Variants in LRRC28 observed in about 807,000 individuals in gnomAD.
LRRC28 encodes the protein leucine rich repeat containing 28, also known as leucine-rich repeat-containing protein 28.
A neutral mutation model predicts 45.7 loss-of-function variants in LRRC28; 39 were observed. The ratio of observed to expected loss-of-function variants is 0.85; its 90% CI spans 0.66 to 1.12. The LOEUF is 1.12. Among genes scored for constraint, LRRC28 ranks in the 50% most tolerant of loss-of-function variants. The pLI, the probability that LRRC28 is intolerant of heterozygous loss-of-function variation, is 0.00. For missense variants in LRRC28, 435 were observed against 438.5 expected (o/e 0.99, Z 0.07); for synonymous variants, 206 against 178.8 (o/e 1.15, Z -1.22).
intron 5 of LRRC28, among the ~76,000 whole-genome samples, chr15:99,322,984 G>A (rs983250359): frequency 6.6e-6 from 1 of 152,152 alleles, no homozygotes; most frequent in African/African-American, 2.4e-5. Context: ...TGGTATTTCT[G>A]TATTTAATTT....
intron 5 of LRRC28, among the ~76,000 whole-genome samples, chr15:99,304,099 T>C (rs557244330): frequency 4.3e-4 from 66 of 152,368 alleles, no homozygotes; most frequent in African/African-American, 1.6e-3. Context: ...TCATCTGATT[T>C]AGTAAATAAA....
chr15:99,358,497 ATAGT>A (rs79933898), intron 7 of LRRC28, among the ~76,000 whole-genome samples: 22,827 of 152,130 alleles, frequency 0.15, 1,724 homozygotes, highest in Non-Finnish European at 0.17. Context: ...TTGAACAATA[ATAGT>A]TAGGGCAGAC....
intron 5 of LRRC28, among the ~76,000 whole-genome samples, chr15:99,333,405 A>G (rs942449635): frequency 1.3e-5 from 2 of 152,236 alleles, no homozygotes; most frequent in Admixed American, 6.5e-5. Flanking sequence ...TATTGTTACA[A>G]TCTTTACCAT....
chr15:99,331,797 C>T (rs547060100), intron 5 of LRRC28: 2 of 152,326 alleles, frequency 1.3e-5, no homozygotes, highest in South Asian at 2.1e-4. Context: ...TTTTTCACCT[C>T]CATGCTTTTC....
Position 99,334,061 on chromosome 15 carries a change from A to G in LRRC28, c.524A>G (p.His175Arg). ...AATCGTCTATGGTATGTGCCGCGCC[A>G]TCTCTGCCAGCTGCCCAGCCTCAAT... is the stretch of plus-strand genomic sequence containing the variant. ...DRNRLWYVPR[H>R]LCQLPSLNEL... The change falls in exon 6 of 10, where the codon CAT becomes CGT. Residue 175 changes from histidine to arginine, a missense_variant. Transcript: ENST00000301981. 6.2e-7 allele frequency: 1 copy of G among 1,614,098 alleles called. No individual in the cohort carries two copies. The highest frequency in any genetic ancestry group is 8.5e-7 in the Non-Finnish European group (1 of 1,179,982).
At chr15:99,271,876 G>A (rs1305548166) in intron 2 of LRRC28, among the ~76,000 whole-genome samples, 2 of 152,202 alleles carry the variant, frequency 1.3e-5, no homozygotes, top group African/African-American at 4.8e-5. Context: ...TGAGATTACA[G>A]GCTTGAGCCA....
Position 99,287,916 on chromosome 15 carries a change from G to T in LRRC28, c.350G>T (p.Arg117Leu). The T allele has an allele frequency of 6.2e-7, 1 of 1,613,666 alleles. No homozygotes were observed. The highest frequency in any genetic ancestry group is 1.3e-5 in the African/African-American group (1 of 75,006). The change falls in exon 5 of 10, where the codon CGA becomes CTA. Residue 117 changes from arginine to leucine, a missense_variant. Coordinates refer to ENST00000301981, the MANE Select transcript of LRRC28 (RefSeq NM_144598.5). ...IGRLRALRHL[R>L]LANNQLQFLP... The stretch of plus-strand genomic sequence containing the variant: ...CGTCTGAGAGCTTTACGTCATCTTC[G>T]ATTAGCTAATAACCAACTGCAATTC...
At chr15:99,260,105 C>T in intron 2 of LRRC28, 4 of 457,166 alleles carry the variant, frequency 8.7e-6, no homozygotes, top group Non-Finnish European at 1.3e-5. Context: ...GTTTTGGATG[C>T]CCCCCACCAG....
At chr15:99,296,404 T>C (rs1479854070) in intron 5 of LRRC28, among the ~76,000 whole-genome samples, 2 of 152,192 alleles carry the variant, frequency 1.3e-5, no homozygotes, top group African/African-American at 4.8e-5. Context: ...TCCCCAGATA[T>C]TCAAGGCTCT....
intron 6 of LRRC28, among the ~76,000 whole-genome samples, chr15:99,344,921 G>A (rs936531612): frequency 1.3e-5 from 2 of 152,200 alleles, no homozygotes; most frequent in African/African-American, 2.4e-5. Context: ...GTATAGAAAA[G>A]TGTTACTACC....
intron 5 of LRRC28, among the ~76,000 whole-genome samples, chr15:99,333,036 A>G (rs1956208288): frequency 1.3e-5 from 2 of 152,222 alleles, no homozygotes; most frequent in South Asian, 4.1e-4. Context: ...ATGTGAAAGT[A>G]GGCTTGTCCT....
At chr15:99,259,274 T>C in intron 2 of LRRC28, 2 of 1,086,282 alleles carry the variant, frequency 1.8e-6, no homozygotes, top group South Asian at 2.5e-5. Context: ...ATCTTCTCCA[T>C]TTGTTTAGCG....
intron 5 of LRRC28, chr15:99,317,442 T>C (rs1239685002): frequency 6.6e-6 from 1 of 152,220 alleles, no homozygotes; most frequent in Non-Finnish European, 1.5e-5. Context: ...GTATAATGTA[T>C]TGTTTTTCCT....
chr15:99,276,519 A>G, intron 2 of LRRC28, 57 bp from the exon 3 acceptor site: 2 of 1,371,884 alleles, frequency 1.5e-6, no homozygotes, highest in Non-Finnish European at 2.0e-6. Flanking sequence ...TAAACAAATT[A>G]GAAATGTTTA....
At chr15:99,366,245 G>A (rs1226536384) in intron 9 of LRRC28, among the ~76,000 whole-genome samples, 2 of 152,108 alleles carry the variant, frequency 1.3e-5, no homozygotes, top group Non-Finnish European at 2.9e-5. Flanking sequence ...TCTGTTCCAG[G>A]CCTCCATGGC....
intron 6 of LRRC28, among the ~76,000 whole-genome samples, chr15:99,349,393 T>A (rs1458765283): frequency 6.6e-6 from 1 of 152,162 alleles, no homozygotes; most frequent in Non-Finnish European, 1.5e-5. Context: ...TTAGCTGTAC[T>A]TTTTATGCCA....
chr15:99,328,725 G>C (rs1956064596), intron 5 of LRRC28, among the ~76,000 whole-genome samples: 1 of 148,758 alleles, frequency 6.7e-6, no homozygotes, highest in Non-Finnish European at 1.5e-5. Flanking sequence ...AATACTGAAG[G>C]TGAATTGGTC....
chr15:99,287,545 G>A (rs2081991428), intron 4 of LRRC28, among the ~76,000 whole-genome samples: 1 of 151,942 alleles, frequency 6.6e-6, no homozygotes, highest in African/African-American at 2.4e-5. Flanking sequence ...TAAGAATTCT[G>A]GTCAGATAAA....
At chr15:99,261,232 C>T (rs568952706) in intron 2 of LRRC28, among the ~76,000 whole-genome samples, 16 of 152,278 alleles carry the variant, frequency 1.1e-4, no homozygotes, top group African/African-American at 2.2e-4. Context: ...ATTACAAAAC[C>T]GGTATATGCC....
Sources: gnomAD v4.1 joint callset for allele counts (sites outside exome capture counted in the v4.1 genomes callset) on GRCh38, gnomAD v4.1.1 for gene constraint, MANE v1.5 for transcripts, NCBI Gene and HGNC (gene_info 2026-07-23, HGNC 2026-07-21) for gene names.